The following TMEM132B variants were observed in gnomAD, a reference collection of about 807,000 sequenced individuals.
The protein encoded by TMEM132B is transmembrane protein 132B.
In TMEM132B, 18 loss-of-function variants were observed where a neutral mutation model predicts 90.8. That is an observed-to-expected ratio of 0.20 (90% CI 0.14 to 0.29). The LOEUF (loss-of-function observed/expected upper bound fraction) is 0.29. TMEM132B is among the 10% of genes least tolerant of loss of function. TMEM132B has a pLI of 1.00. For synonymous variants in TMEM132B, 504 were observed against 523.3 expected (o/e 0.96, Z 0.50); for missense variants, 1,096 against 1,326.8 (o/e 0.83, Z 2.70).
chr12:125,331,356 C>T (rs1876765448), intron 1 of TMEM132B, among the ~76,000 whole-genome samples: 2 of 152,234 alleles, frequency 1.3e-5, no homozygotes, highest in Admixed American at 6.5e-5. Context: ...CCCAAGGCTG[C>T]TGTTAAGGGT....
intron 3 of TMEM132B, among the ~76,000 whole-genome samples, chr12:125,470,475 T>C (rs529205203): frequency 7.7e-4 from 118 of 152,314 alleles, no homozygotes; most frequent in African/African-American, 2.8e-3. Flanking sequence ...TTACTCCACA[T>C]TTGTGTCTGT....
intron 4 of TMEM132B, among the ~76,000 whole-genome samples, chr12:125,555,671 A>G (rs1884362848): frequency 1.3e-5 from 2 of 151,498 alleles, no homozygotes; most frequent in South Asian, 2.1e-4. Flanking sequence ...TATGTAACAA[A>G]CCTGCACGTT....
At chr12:125,550,349 CTATATTCTGTTTT>C (rs1417030460) in intron 4 of TMEM132B, among the ~76,000 whole-genome samples, 1 of 152,136 alleles carries the variant, frequency 6.6e-6, no homozygotes, top group Non-Finnish European at 1.5e-5. Flanking sequence ...TGGGCTATTT[CTATATTCTGTTTT>C]TTTTAAACTC....
chr12:125,275,447 C>T (rs969439943), intron 1 of TMEM132B, among the ~76,000 whole-genome samples: 6 of 152,146 alleles, frequency 3.9e-5, no homozygotes, highest in Non-Finnish European at 5.9e-5. Flanking sequence ...GAGTCCCTTG[C>T]CCTTGATGGA....
At chr12:125,596,048 G>T (rs971708217) in intron 5 of TMEM132B, among the ~76,000 whole-genome samples, 2 of 152,062 alleles carry the variant, frequency 1.3e-5, no homozygotes, top group Non-Finnish European at 2.9e-5. Context: ...TGAAACAGGA[G>T]GTAGAACTCC....
chr12:125,567,501 C>A (rs1399729109), intron 4 of TMEM132B, among the ~76,000 whole-genome samples: 5 of 152,150 alleles, frequency 3.3e-5, no homozygotes, highest in African/African-American at 1.2e-4. Flanking sequence ...AACCAAAGGA[C>A]TGGGGACCAA....
chr12:125,458,834 T>G lies in TMEM132B; in HGVS notation c.1106+43157T>G, dbSNP rs1881364024. Among the ~76,000 whole-genome samples the G allele has an allele frequency of 6.6e-6, 1 of 152,184 alleles. No homozygotes were observed. Among genetic ancestry groups the G allele is most frequent in the African/African-American group, 2.4e-5 (1 of 41,448 alleles). On this transcript the variant is annotated intron_variant, in intron 3 of 8. Coordinates refer to ENST00000682704, the MANE Select transcript of TMEM132B (RefSeq NM_001366854.1). The surrounding 1 kb of genome is among the most constrained non-coding windows in gnomAD (Gnocchi z 4.9). ...CACAAAAGGCACCACAACAGGAGAA[T>G]GAGTCCTGTCATCACTTGACCTGGC... is the stretch of plus-strand genomic sequence containing the variant.
chr12:125,651,048 A>G (rs1279126412), intron 7 of TMEM132B, 95 bp downstream of exon 7: 1 of 1,488,430 alleles, frequency 6.7e-7, no homozygotes, highest in African/African-American at 1.4e-5. Context: ...GCACATGTGC[A>G]TGTGGACATG....
chr12:125,611,439 A>G (rs574391251), intron 5 of TMEM132B, among the ~76,000 whole-genome samples: 1 of 151,814 alleles, frequency 6.6e-6, no homozygotes, highest in African/African-American at 2.4e-5. Context: ...ATCCTTTCTT[A>G]TGATGCTTTA....
At chr12:125,628,509 ATTAAG>A (rs1056552388) in intron 5 of TMEM132B, among the ~76,000 whole-genome samples, 2 of 151,956 alleles carry the variant, frequency 1.3e-5, no homozygotes, top group South Asian at 2.1e-4. Context: ...TTTTTTTCCA[ATTAAG>A]TTGTTTGAGC....
chr12:125,282,027 C>CAAAAAAAAAAAAAAAA (rs869083244), intron 1 of TMEM132B, among the ~76,000 whole-genome samples: 1 of 16,082 alleles, frequency 6.2e-5, no homozygotes, highest in Non-Finnish European at 1.1e-4. Context: ...GACTCCGTCT[C>CAAAAAAAAAAAAAAAA]AAAAAAAAAA....
At chr12:125,418,288 A>G (rs1471713058) in intron 3 of TMEM132B, among the ~76,000 whole-genome samples, 1 of 152,176 alleles carries the variant, frequency 6.6e-6, no homozygotes, top group East Asian at 1.9e-4. Context: ...CAGGGGAAAA[A>G]AGTAAAGTAG....
chr12:125,276,775 C>T (rs144855866), intron 1 of TMEM132B, among the ~76,000 whole-genome samples: 1 of 152,176 alleles, frequency 6.6e-6, no homozygotes, highest in African/African-American at 2.4e-5. Flanking sequence ...GGTGCAGTAA[C>T]AACTGTCAGC....
intron 5 of TMEM132B, among the ~76,000 whole-genome samples, chr12:125,606,431 C>T (rs1008455056): frequency 4.0e-5 from 6 of 151,410 alleles, no homozygotes; most frequent in Non-Finnish European, 7.4e-5. Flanking sequence ...CACACATGAG[C>T]GTACAGCTGT....
chr12:125,575,078 A>ATATATCTATATATATATATATATATATT (rs1311570495), intron 4 of TMEM132B, among the ~76,000 whole-genome samples: 1 of 108,966 alleles, frequency 9.2e-6, no homozygotes, highest in African/African-American at 3.4e-5. Context: ...ATATATATAT[A>ATATATCTATATATATATATATATATATT]TATATTCAGG....
intron 3 of TMEM132B, among the ~76,000 whole-genome samples, 180 bp from the exon 4 acceptor site, chr12:125,519,259 G>A (rs1434811776): frequency 6.6e-6 from 1 of 152,216 alleles, no homozygotes; most frequent in Non-Finnish European, 1.5e-5. Flanking sequence ...AGCCTATTCT[G>A]AGGTGTGGGC....
intron 1 of TMEM132B, among the ~76,000 whole-genome samples, chr12:125,214,408 C>T (rs543099955): frequency 1.4e-4 from 21 of 152,310 alleles, no homozygotes; most frequent in African/African-American, 5.1e-4. Context: ...GAAGAGAACA[C>T]CTCTTTCCTG....
chr12:125,522,521 A>G (rs1400422760), intron 4 of TMEM132B, among the ~76,000 whole-genome samples: 1 of 152,222 alleles, frequency 6.6e-6, no homozygotes, highest in Admixed American at 6.5e-5. Context: ...TTGAGAGGTT[A>G]TGGTCACAGC....
intron 3 of TMEM132B, among the ~76,000 whole-genome samples, chr12:125,480,652 G>A (rs529955799): frequency 1.3e-5 from 2 of 152,186 alleles, no homozygotes; most frequent in Admixed American, 6.5e-5. Context: ...AGGACCAGAC[G>A]GATTCACAGC....
Sources: gnomAD v4.1 joint callset for allele counts (sites outside exome capture counted in the v4.1 genomes callset) on GRCh38, gnomAD v4.1.1 for gene constraint, Gnocchi (gnomAD v3.1) non-coding constraint, MANE v1.5 for transcripts, NCBI Gene and HGNC (gene_info 2026-07-23, HGNC 2026-07-21) for gene names.